Variants in CAMSAP2 observed in about 807,000 individuals in gnomAD.
The protein encoded by CAMSAP2 is calmodulin-regulated spectrin-associated protein 2.
CAMSAP2 carries 26 observed loss-of-function variants against 146.1 expected under a neutral mutation model. The observed-to-expected ratio is 0.18, with a 90% CI of 0.13 to 0.25. The LOEUF is 0.25. Among genes scored for constraint, CAMSAP2 ranks in the 10% least tolerant of loss-of-function variants. CAMSAP2 has a pLI of 1.00. For synonymous variants in CAMSAP2, 499 were observed against 596.6 expected (o/e 0.84, Z 2.38); for missense variants, 1,381 against 1,759.3 (o/e 0.78, Z 3.85).
At position 200,832,485 on chromosome 1, in the gene CAMSAP2, C is replaced by T. The variant is rs116370820; in HGVS notation, c.787+144C>T. 9.5e-4 allele frequency: 813 copies of T among 859,112 alleles called. 10 individuals are homozygous for T. The African/African-American group carries it at 0.014, about 14-fold the overall frequency. 53.2% of individuals were successfully genotyped at this position (859,112 alleles called of 1,614,324 possible). The stretch of plus-strand genomic sequence containing the variant: ...AATATTATTTAATAAGTACTGAAGA[C>T]TTTTTTTTAAAAATAAAGAACATTT... On this transcript the variant is annotated intron_variant, in intron 5 of 16. Transcript: ENST00000358823. This position sits in a 1 kb window ranked among gnomAD's most constrained non-coding sequence, Gnocchi z 4.2.
chr1:200,788,816 ATTTT>A (rs35901761), intron 2 of CAMSAP2, among the ~76,000 whole-genome samples: 6 of 138,330 alleles, frequency 4.3e-5, no homozygotes, highest in African/African-American at 1.6e-4. Context: ...TGACTTTTGT[ATTTT>A]TTTTTTTTTT....
At chr1:200,775,419 AAGG>A (rs1226964411) in intron 2 of CAMSAP2, among the ~76,000 whole-genome samples, 1 of 152,204 alleles carries the variant, frequency 6.6e-6, no homozygotes, top group Non-Finnish European at 1.5e-5. Flanking sequence ...GGAGGATTTT[AAGG>A]AGGACAATGA....
At chr1:200,789,718 G>T (rs1399600445) in intron 2 of CAMSAP2, among the ~76,000 whole-genome samples, 1 of 152,086 alleles carries the variant, frequency 6.6e-6, no homozygotes, top group Admixed American at 6.6e-5. Flanking sequence ...TTTTTACTGG[G>T]ATTGCATTGA....
intron 4 of CAMSAP2, among the ~76,000 whole-genome samples, chr1:200,817,165 CGTGTGTGTATATACACACACACACATGT>C (rs1666596366): frequency 1.5e-5 from 1 of 68,044 alleles, no homozygotes; most frequent in Admixed American, 1.6e-4. Flanking sequence ...CATACACACA[CGTGTGTGTATATACACACACACACATGT>C]GTGTGTGTAT....
chr1:200,846,494 G>T (rs1667463343), intron 8 of CAMSAP2, among the ~76,000 whole-genome samples: 1 of 152,140 alleles, frequency 6.6e-6, no homozygotes, highest in Admixed American at 6.5e-5. Context: ...AATGCAGATG[G>T]ATGTCTACAT....
chr1:200,834,347 A>T lies in CAMSAP2; in HGVS notation c.927+1502A>T, dbSNP rs1185496396. On this transcript the variant is annotated intron_variant, in intron 6 of 16. Transcript: ENST00000358823. Reference sequence around the variant, plus strand: ...CACTGCATTCCAGCCTGGGTGACAGAATAAGACTATGTCTCAAAAAAAAAA... The same window carrying T: ...CACTGCATTCCAGCCTGGGTGACAGTATAAGACTATGTCTCAAAAAAAAAA... Among the ~76,000 whole-genome samples, 3 of 152,114 alleles carry T rather than the reference A, an allele frequency of 2.0e-5. No homozygotes were observed. In the East Asian group the frequency reaches 5.8e-4, roughly 29 times the overall value.
intron 4 of CAMSAP2, among the ~76,000 whole-genome samples, chr1:200,816,686 GTACATGCACACATATATGTGTATATA>G (rs1270783713): frequency 1.4e-5 from 2 of 138,552 alleles, no homozygotes; most frequent in East Asian, 2.2e-4. Flanking sequence ...GTGTGTATAT[GTACATGCACACATATATGTGTATATA>G]TACACACGCA....
rs141480431 is a variant in CAMSAP2 at position 200,800,270 on chromosome 1, A to G, written c.400-7106A>G. On this transcript the variant is annotated intron_variant, in intron 2 of 16. Transcript: ENST00000358823. ...TCTAATAGTGACAGTGGGGTGTTCA[A>G]GTCTCCCACTATTATTGTGTGGGAG... Among the ~76,000 whole-genome samples the G allele has an allele frequency of 7.4e-3, 1,131 of 152,256 alleles. 12 individuals are homozygous for G. Among genetic ancestry groups the G allele is most frequent in the Middle Eastern group, 0.045 (13 of 292 alleles).
At chr1:200,742,648 C>T (rs966614963) in intron 1 of CAMSAP2, among the ~76,000 whole-genome samples, 7 of 152,052 alleles carry the variant, frequency 4.6e-5, no homozygotes. Flanking sequence ...AAAATCAGCC[C>T]AGCTTTCAAT....
chr1:200,739,552 G>T lies in CAMSAP2; in HGVS notation c.-276G>T. ...CGCGGGGCGGGTGGCTCGGAGGGGC[G>T]CGGGCACGGGGCGGACCTCGCGCGG... On this transcript the variant is annotated 5_prime_UTR_variant, in exon 1 of 17. Transcript: ENST00000358823. This position sits in a 1 kb window ranked among gnomAD's most constrained non-coding sequence, Gnocchi z 4.8. 5.6e-6 allele frequency: 1 copy of T among 179,124 alleles called. No homozygotes were observed. The highest frequency in any genetic ancestry group is 1.2e-5 in the Non-Finnish European group (1 of 86,820). The allele number at this position is 179,124 out of a possible 1,614,324, so 11.1% of individuals were successfully genotyped here. A position where few individuals can be genotyped will look rare whatever the true frequency, so the allele number is the denominator to read the frequency against.
In CAMSAP2 at chr1:200,739,763, C is replaced by T. The variant is rs1474078809; in HGVS notation, c.-65C>T. 7.8e-6 allele frequency: 12 copies of T among 1,542,440 alleles called. No individual in the cohort carries two copies. Among genetic ancestry groups the T allele is most frequent in the Non-Finnish European group, 1.1e-5 (12 of 1,135,140 alleles). On this transcript the variant is annotated 5_prime_UTR_variant, in exon 1 of 17. Transcript: ENST00000358823. This position sits in a 1 kb window ranked among gnomAD's most constrained non-coding sequence, Gnocchi z 4.8. ...TTGCTTCTCCCTCCCTCCCGACCCC[C>T]GTGGTGGCGAGGCCACGCCATGTGA...
intron 2 of CAMSAP2, among the ~76,000 whole-genome samples, chr1:200,783,768 A>T (rs186805684): frequency 2.8e-3 from 423 of 152,262 alleles, no homozygotes; most frequent in African/African-American, 9.4e-3. Context: ...GGATTACAGG[A>T]ATGACCACCA....
At chr1:200,752,201 A>G (rs962714171) in intron 1 of CAMSAP2, among the ~76,000 whole-genome samples, 1 of 152,346 alleles carries the variant, frequency 6.6e-6, no homozygotes, top group African/African-American at 2.4e-5. Flanking sequence ...ATGTGTACAC[A>G]TAATTATTAT....
At chr1:200,815,440 A>G (rs539513509) in intron 3 of CAMSAP2, 121 bp from the exon 4 acceptor site, 7 of 463,696 alleles carry the variant, frequency 1.5e-5, no homozygotes, top group Non-Finnish European at 2.3e-5. Context: ...TTTGAGTGAG[A>G]CTGATATTTG....
Position 200,832,757 on chromosome 1 carries a change from A to G in CAMSAP2, c.839A>G (p.Gln280Arg), listed in dbSNP as rs1667076986. The G allele has an allele frequency of 5.6e-6, 9 of 1,611,808 alleles. No homozygotes were observed. Among genetic ancestry groups the G allele is most frequent in the Non-Finnish European group, 7.6e-6 (9 of 1,178,596 alleles). ...MSLADSLYNL[Q>R]LIQEFCQEYL... is the part of the protein sequence containing the mutation. ...TTGGCTGATAGCCTGTATAATCTGC[A>G]GCTGATTCAAGAATTTTGCCAAGAA... is the stretch of plus-strand genomic sequence containing the variant. The change falls in exon 6 of 17, where the codon CAG (glutamine) becomes CGG (arginine). Residue 280 changes from glutamine (Q) to arginine (R), a missense_variant. By Grantham distance (43) the Gln-to-Arg change is conservative. Around this residue, in one of 4 missense-constraint regions of CAMSAP2, gnomAD observed 284 missense variants for 406.9 expected, o/e 0.70. Coordinates refer to ENST00000358823, the MANE Select transcript of CAMSAP2 (RefSeq NM_203459.4). This position sits in a 1 kb window ranked among gnomAD's most constrained non-coding sequence, Gnocchi z 4.2.
chr1:200,756,580 G>A lies in CAMSAP2; in HGVS notation c.140-4259G>A, dbSNP rs111738059. Among the ~76,000 whole-genome samples, 626 of 152,278 alleles carry A rather than the reference G, an allele frequency of 4.1e-3. 8 individuals are homozygous for A. Among genetic ancestry groups the A allele is most frequent in the African/African-American group, 0.015 (603 of 41,548 alleles). On this transcript the variant is annotated intron_variant, in intron 1 of 16. Transcript: ENST00000358823. Reference sequence around the variant, plus strand: ...TTTCCAAATTTTGGAATGGATGCAGGTAGTGAATGTAGGTAAACTGAAAAC... The same window carrying A: ...TTTCCAAATTTTGGAATGGATGCAGATAGTGAATGTAGGTAAACTGAAAAC...
At chr1:200,811,843 T>C (rs77608055) in intron 3 of CAMSAP2, among the ~76,000 whole-genome samples, 425 of 152,320 alleles carry the variant, frequency 2.8e-3, no homozygotes, top group African/African-American at 9.4e-3. Context: ...TACTCCATTG[T>C]AGGCTCATGG....
At chr1:200,792,488 T>C (rs1276220184) in intron 2 of CAMSAP2, among the ~76,000 whole-genome samples, 1 of 151,862 alleles carries the variant, frequency 6.6e-6, no homozygotes, top group East Asian at 1.9e-4. Context: ...CTACTAAAAA[T>C]ATAAAAATTA....
At chr1:200,786,860 G>T (rs1388890557) in intron 2 of CAMSAP2, among the ~76,000 whole-genome samples, 2 of 152,102 alleles carry the variant, frequency 1.3e-5, no homozygotes, top group African/African-American at 4.8e-5. Context: ...CGAAGCCAGT[G>T]CTCATTTACC....
Sources: allele counts gnomAD v4.1 joint callset (sites outside exome capture counted in the v4.1 genomes callset), GRCh38; gene constraint gnomAD v4.1.1; regional missense constraint gnomAD v4.1.1; non-coding constraint Gnocchi (gnomAD v3.1); transcripts MANE v1.5; gene names NCBI Gene and HGNC (gene_info 2026-07-23, HGNC 2026-07-21).